Variants in TMEM132D observed in about 807,000 individuals in gnomAD.
The protein encoded by TMEM132D is transmembrane protein 132D, also known as mature OL transmembrane protein.
TMEM132D carries 21 observed loss-of-function variants against 62.3 expected under a neutral mutation model. The ratio of observed to expected loss-of-function variants is 0.34; its 90% CI spans 0.24 to 0.49. The LOEUF is 0.49. Ranked by LOEUF, TMEM132D falls within the 20% of genes least tolerant of loss-of-function variation. The pLI is 0.99. For synonymous variants in TMEM132D, 621 were observed against 575.6 expected (o/e 1.08, Z -1.13); for missense variants, 1,346 against 1,402.8 (o/e 0.96, Z 0.65).
intron 2 of TMEM132D, among the ~76,000 whole-genome samples, chr12:129,615,518 G>C (rs1197166367): frequency 2.7e-5 from 4 of 150,800 alleles, no homozygotes; most frequent in African/African-American, 4.9e-5. Context: ...TGGGAGGCCA[G>C]TGTGAGAGGA....
intron 5 of TMEM132D, among the ~76,000 whole-genome samples, chr12:129,136,846 C>T (rs1307655322): frequency 6.8e-6 from 1 of 147,096 alleles, no homozygotes; most frequent in Admixed American, 6.8e-5. Context: ...TCACCACCAC[C>T]ATCATCATTA....
At chr12:129,589,406 G>A (rs902428603) in intron 2 of TMEM132D, among the ~76,000 whole-genome samples, 18 of 152,206 alleles carry the variant, frequency 1.2e-4, no homozygotes, top group Admixed American at 3.9e-4. Context: ...ACCCAGTCTC[G>A]GTTATGTCTT....
intron 3 of TMEM132D, among the ~76,000 whole-genome samples, chr12:129,384,761 C>T (rs1255954088): frequency 2.0e-5 from 3 of 152,164 alleles, no homozygotes; most frequent in Non-Finnish European, 4.4e-5. Context: ...TGCGTTCACA[C>T]GTACGCGACA....
intron 4 of TMEM132D, among the ~76,000 whole-genome samples, chr12:129,244,157 G>A (rs983499969): frequency 5.9e-5 from 9 of 152,044 alleles, no homozygotes; most frequent in African/African-American, 1.4e-4. Flanking sequence ...AGGCCGAGGC[G>A]GGCAGATCAC....
intron 5 of TMEM132D, among the ~76,000 whole-genome samples, chr12:129,132,541 C>G (rs972863062): frequency 6.6e-6 from 1 of 152,162 alleles, no homozygotes; most frequent in Non-Finnish European, 1.5e-5. Flanking sequence ...CACATTAGGT[C>G]TCCAGAAGGT....
At chr12:129,088,099 C>A (rs1874710474) in intron 5 of TMEM132D, among the ~76,000 whole-genome samples, 1 of 68,692 alleles carries the variant, frequency 1.5e-5, no homozygotes, top group Non-Finnish European at 2.6e-5. Context: ...TCCTCCCTGA[C>A]CGGGGTGTCC....
intron 1 of TMEM132D, among the ~76,000 whole-genome samples, chr12:129,721,731 G>A (rs1387820930): frequency 2.0e-5 from 3 of 152,102 alleles, no homozygotes; most frequent in African/African-American, 7.2e-5. Context: ...CTGCATGTAC[G>A]GACCCTCTGA....
intron 1 of TMEM132D, among the ~76,000 whole-genome samples, chr12:129,733,136 G>A (rs771062950): frequency 1.1e-4 from 17 of 152,088 alleles, no homozygotes; most frequent in South Asian, 6.2e-4. Context: ...TGAATTTCTC[G>A]TCTAGTTTCA....
Position 129,174,848 on chromosome 12 carries a change from A to C in TMEM132D, c.1443+34672T>G, listed in dbSNP as rs146914202. ...GATCAGTGATGTTGAGCCTTTTTTC[A>C]TAGGTCTGTCGGCTGCATACATGTC... On this transcript the variant is annotated intron_variant, in intron 5 of 8. Coordinates refer to ENST00000422113, the MANE Select transcript of TMEM132D (RefSeq NM_133448.3). Among the ~76,000 whole-genome samples, 83 of 152,324 alleles carry C rather than the reference A, an allele frequency of 5.4e-4. No individual in the cohort carries two copies. The East Asian group carries it at 0.014, about 27-fold the overall frequency.
At chr12:129,871,026 G>A (rs1476644572) in intron 1 of TMEM132D, among the ~76,000 whole-genome samples, 5 of 152,112 alleles carry the variant, frequency 3.3e-5, no homozygotes, top group Non-Finnish European at 5.9e-5. Context: ...AAATGCTAAT[G>A]AGGCTTCTGT....
chr12:129,142,415 C>T (rs971706072), intron 5 of TMEM132D, among the ~76,000 whole-genome samples: 1 of 152,096 alleles, frequency 6.6e-6, no homozygotes, highest in Non-Finnish European at 1.5e-5. Flanking sequence ...TTATATGCAC[C>T]CTTGTCATCT....
chr12:129,504,695 T>C (rs1426940514), intron 3 of TMEM132D, among the ~76,000 whole-genome samples: 2 of 152,194 alleles, frequency 1.3e-5, no homozygotes, highest in Non-Finnish European at 1.5e-5. Flanking sequence ...TTATCTTTTG[T>C]ATTTTTTTGT....
At chr12:129,193,269 T>TA (rs1157874769) in intron 5 of TMEM132D, among the ~76,000 whole-genome samples, 2 of 152,178 alleles carry the variant, frequency 1.3e-5, no homozygotes, top group Non-Finnish European at 2.9e-5. Flanking sequence ...TAAGGTGACA[T>TA]ATGGCATATA....
intron 2 of TMEM132D, among the ~76,000 whole-genome samples, chr12:129,581,561 C>T (rs950467345): frequency 1.3e-5 from 2 of 151,956 alleles, no homozygotes; most frequent in African/African-American, 4.8e-5. Context: ...AGTCCAAAAG[C>T]TGAAGAACAT....
At chr12:129,321,104 T>C (rs1384197260) in intron 4 of TMEM132D, among the ~76,000 whole-genome samples, 1 of 152,218 alleles carries the variant, frequency 6.6e-6, no homozygotes, top group Non-Finnish European at 1.5e-5. Flanking sequence ...TTATGTCTAT[T>C]TATATAGAAA....
intron 3 of TMEM132D, among the ~76,000 whole-genome samples, chr12:129,476,329 T>C (rs1874254638): frequency 6.6e-6 from 1 of 152,158 alleles, no homozygotes; most frequent in South Asian, 2.1e-4. Context: ...GGGATCAGAA[T>C]GAAGAAAGAG....
At chr12:129,851,612 T>C (rs1428736835) in intron 1 of TMEM132D, among the ~76,000 whole-genome samples, 1 of 152,068 alleles carries the variant, frequency 6.6e-6, no homozygotes, top group African/African-American at 2.4e-5. Context: ...GACAGCACAT[T>C]AACACTGTTT....
chr12:129,700,633 C>T lies in TMEM132D; in HGVS notation c.145G>A (p.Val49Met), dbSNP rs1209970085. 2 of 1,613,896 alleles carry T rather than the reference C, an allele frequency of 1.2e-6. No homozygotes were observed. Among genetic ancestry groups the T allele is most frequent in the East Asian group, 2.2e-5 (1 of 44,848 alleles). ...TCCGCGTTGTTGATGTGGTAGGTCA[C>T]GGGGAGGTAGGTGGGCAGCAAGGAA... ...RFSLLPTYLP[V>M]TYHINNADVS... is the part of the protein sequence containing the mutation. The change falls in exon 2 of 9, where the codon GTG (valine) becomes ATG (methionine). Residue 49 changes from valine (V) to methionine (M), a missense_variant. Val to Met is a conservative substitution (Grantham distance 21, BLOSUM62 1). Coordinates refer to ENST00000422113, the MANE Select transcript of TMEM132D (RefSeq NM_133448.3).
At chr12:129,162,055 G>A (rs1349212240) in intron 5 of TMEM132D, among the ~76,000 whole-genome samples, 6 of 152,114 alleles carry the variant, frequency 3.9e-5, no homozygotes, top group African/African-American at 1.4e-4. Context: ...ATGGGTGAGG[G>A]TTATGGGCTG....
Sources: gnomAD v4.1 joint callset for allele counts (sites outside exome capture counted in the v4.1 genomes callset) on GRCh38, gnomAD v4.1.1 for gene constraint, MANE v1.5 for transcripts, NCBI Gene and HGNC (gene_info 2026-07-23, HGNC 2026-07-21) for gene names.